THSD7B: variants seen among roughly 807,000 people sequenced by gnomAD.
THSD7B encodes the protein thrombospondin type 1 domain containing 7B.
A neutral mutation model predicts 213.6 loss-of-function variants in THSD7B; 138 were observed. The observed-to-expected ratio is 0.65, with a 90% CI of 0.56 to 0.74. The LOEUF is 0.74. Among genes scored for constraint, THSD7B ranks in the 30% least tolerant of loss-of-function variants. THSD7B has a pLI of 0.00. For missense variants in THSD7B, 1,931 were observed against 1,991.5 expected (o/e 0.97, Z 0.58); for synonymous variants, 742 against 687.0 (o/e 1.08, Z -1.25).
chr2:137,088,956 A>C (rs1314542502), intron 3 of THSD7B, among the ~76,000 whole-genome samples: 1 of 152,166 alleles, frequency 6.6e-6, no homozygotes, highest in Non-Finnish European at 1.5e-5. Flanking sequence ...GCTGTAATAA[A>C]AAAATAAAAA....
At chr2:137,034,204 G>C (rs987521133) in intron 2 of THSD7B, among the ~76,000 whole-genome samples, 1 of 152,062 alleles carries the variant, frequency 6.6e-6, no homozygotes, top group Non-Finnish European at 1.5e-5. Flanking sequence ...ATCATTGATG[G>C]TGCTGGGAAA....
chr2:136,872,549 T>C (rs1683448433), intron 1 of THSD7B, among the ~76,000 whole-genome samples: 1 of 151,844 alleles, frequency 6.6e-6, no homozygotes, highest in African/African-American at 2.4e-5. Flanking sequence ...CTCTTTTTCT[T>C]TTCTTTTCCT....
At chr2:137,079,995 A>T (rs1427984291) in intron 3 of THSD7B, among the ~76,000 whole-genome samples, 1 of 150,440 alleles carries the variant, frequency 6.6e-6, no homozygotes, top group Non-Finnish European at 1.5e-5. Flanking sequence ...ACGCACCACC[A>T]CTCTCTGCTA....
chr2:136,836,737 C>T (rs1558821414), intron 1 of THSD7B, among the ~76,000 whole-genome samples: 1 of 152,154 alleles, frequency 6.6e-6, no homozygotes, highest in African/African-American at 2.4e-5. Flanking sequence ...TCTTTCTAGT[C>T]TCAGTAACTC....
intron 7 of THSD7B, among the ~76,000 whole-genome samples, chr2:137,220,751 C>T (rs1165621287): frequency 1.3e-5 from 2 of 151,640 alleles, no homozygotes; most frequent in South Asian, 4.2e-4. Context: ...TATGCACAAT[C>T]GCCAAAACCT....
intron 7 of THSD7B, among the ~76,000 whole-genome samples, chr2:137,212,287 G>A (rs1034386642): frequency 6.6e-6 from 1 of 151,948 alleles, no homozygotes; most frequent in African/African-American, 2.4e-5. Context: ...TGTAATGAGT[G>A]AGCTCTTTCT....
At chr2:136,788,800 G>C (rs1681912955) in intron 1 of THSD7B, among the ~76,000 whole-genome samples, 3 of 152,064 alleles carry the variant, frequency 2.0e-5, no homozygotes, top group Admixed American at 2.0e-4. Flanking sequence ...TTTTGCATAA[G>C]GAGTGTTATA....
intron 15 of THSD7B, among the ~76,000 whole-genome samples, chr2:137,538,013 G>A (rs892788427): frequency 1.9e-4 from 29 of 151,674 alleles, no homozygotes; most frequent in African/African-American, 6.8e-4. Flanking sequence ...GGGACCAGTA[G>A]GGACAAGTGT....
chr2:136,771,767 A>G (rs1363450682), intron 1 of THSD7B, among the ~76,000 whole-genome samples: 1 of 152,150 alleles, frequency 6.6e-6, no homozygotes, highest in Non-Finnish European at 1.5e-5. Flanking sequence ...ATAGTAAAGG[A>G]TTTAAATGGT....
At chr2:137,016,441 G>T (rs1208268535) in intron 2 of THSD7B, among the ~76,000 whole-genome samples, 1 of 152,104 alleles carries the variant, frequency 6.6e-6, no homozygotes, top group Non-Finnish European at 1.5e-5. Context: ...AACTTTGAAT[G>T]GTGGTGTATA....
chr2:137,258,540 T>A (rs1213017112), intron 10 of THSD7B, among the ~76,000 whole-genome samples: 2 of 151,966 alleles, frequency 1.3e-5, no homozygotes, highest in Non-Finnish European at 2.9e-5. Flanking sequence ...TACTCAAATA[T>A]TCCCTTCTCA....
At chr2:137,131,026 C>T (rs888178749) in intron 5 of THSD7B, among the ~76,000 whole-genome samples, 5 of 148,092 alleles carry the variant, frequency 3.4e-5, no homozygotes, top group Non-Finnish European at 4.5e-5. Context: ...TTCTCCACAT[C>T]CTCTCCAGCA....
At chr2:137,532,099 C>A (rs1053922637) in intron 15 of THSD7B, among the ~76,000 whole-genome samples, 6 of 151,808 alleles carry the variant, frequency 4.0e-5, no homozygotes, top group African/African-American at 1.5e-4. Flanking sequence ...AAGTTAATTG[C>A]GTAACATGAT....
intron 5 of THSD7B, among the ~76,000 whole-genome samples, chr2:137,158,768 G>T (rs1427894882): frequency 6.6e-6 from 1 of 152,018 alleles, no homozygotes. Context: ...ACGTGTTAAG[G>T]GTAAGGCAGA....
intron 1 of THSD7B, among the ~76,000 whole-genome samples, chr2:136,842,766 C>T (rs1282410895): frequency 1.3e-5 from 2 of 152,128 alleles, no homozygotes; most frequent in Non-Finnish European, 2.9e-5. Context: ...GGCTTTGATT[C>T]CTGAACCCAT....
chr2:137,645,420 T>C (rs190380529), intron 21 of THSD7B, among the ~76,000 whole-genome samples: 1 of 152,330 alleles, frequency 6.6e-6, no homozygotes. Flanking sequence ...GGGTCTATTT[T>C]CAGGCCCTAG....
intron 4 of THSD7B, among the ~76,000 whole-genome samples, chr2:137,102,303 C>G (rs6738637): frequency 0.33 from 49,659 of 152,138 alleles, 10,334 homozygotes; most frequent in African/African-American, 0.59. Flanking sequence ...AGGGGCCTGA[C>G]TGTTAGAAAA....
At chr2:137,344,095 A>G (rs1684821844) in intron 12 of THSD7B, among the ~76,000 whole-genome samples, 1 of 151,670 alleles carries the variant, frequency 6.6e-6, no homozygotes, top group South Asian at 2.1e-4. Flanking sequence ...AGCAAATCCT[A>G]TTGTCAGCTG....
rs187601916 is a variant in THSD7B at position 136,940,502 on chromosome 2, C to T, written c.139+58185C>T. On this transcript the variant is annotated intron_variant, in intron 2 of 27. Transcript: ENST00000409968. ...GATAATTTTTTTTTCCTCAATCCTC[C>T]CACCTCAGCCTCCCGAGTTGCTAGG... is the stretch of plus-strand genomic sequence containing the variant. Among the ~76,000 whole-genome samples, 5 of 151,690 alleles carry T rather than the reference C, an allele frequency of 3.3e-5. No individual in the cohort carries two copies. The East Asian group carries it at 9.7e-4, about 29-fold the overall frequency.
Sources: gnomAD v4.1 joint callset for allele counts (sites outside exome capture counted in the v4.1 genomes callset) on GRCh38, gnomAD v4.1.1 for gene constraint, MANE v1.5 for transcripts, NCBI Gene and HGNC (gene_info 2026-07-23, HGNC 2026-07-21) for gene names.